The following EXOC6B variants were observed in gnomAD, a reference collection of about 807,000 sequenced individuals.
EXOC6B encodes SEC15 homolog B.
Under a neutral mutation model 113.5 loss-of-function variants are expected in EXOC6B, and 54 were observed. That is an observed-to-expected ratio of 0.48 (90% confidence interval 0.38 to 0.60). EXOC6B has a LOEUF of 0.60. Ranked by LOEUF, EXOC6B falls within the 20% of genes least tolerant of loss-of-function variation. The pLI is 0.00. For synonymous variants in EXOC6B, 357 were observed against 339.0 expected (o/e 1.05, Z -0.58); for missense variants, 797 against 977.5 (o/e 0.82, Z 2.46).
intron 7 of EXOC6B, among the ~76,000 whole-genome samples, chr2:72,573,318 A>G (rs1177241589): frequency 6.6e-6 from 1 of 152,194 alleles, no homozygotes; most frequent in Admixed American, 6.5e-5. Context: ...CATCTTGTTC[A>G]TGGGTACTCA....
intron 20 of EXOC6B, among the ~76,000 whole-genome samples, chr2:72,308,354 G>A (rs1204308839): frequency 6.6e-6 from 1 of 152,094 alleles, no homozygotes; most frequent in Non-Finnish European, 1.5e-5. Context: ...CAATTATTGT[G>A]TACTGTAGAC....
At chr2:72,514,357 A>G (rs933553465) in intron 10 of EXOC6B, among the ~76,000 whole-genome samples, 3 of 152,148 alleles carry the variant, frequency 2.0e-5, no homozygotes, top group Admixed American at 6.5e-5. Context: ...ATCAAGTGTA[A>G]TAAGATTACA....
intron 1 of EXOC6B, among the ~76,000 whole-genome samples, chr2:72,799,954 A>G (rs929188139): frequency 6.6e-6 from 1 of 151,948 alleles, no homozygotes; most frequent in African/African-American, 2.4e-5. Flanking sequence ...AGTCCCAGTT[A>G]CTCCAAGGGC....
At chr2:72,783,879 T>C (rs1360559000) in intron 1 of EXOC6B, among the ~76,000 whole-genome samples, 1 of 152,210 alleles carries the variant, frequency 6.6e-6, no homozygotes, top group Admixed American at 6.5e-5. Flanking sequence ...TTTTGTTTTG[T>C]TACCTGTGCT....
At chr2:72,761,963 A>C (rs555886376) in intron 1 of EXOC6B, among the ~76,000 whole-genome samples, 1 of 151,938 alleles carries the variant, frequency 6.6e-6, no homozygotes, top group African/African-American at 2.4e-5. Flanking sequence ...AAAAGAAAAA[A>C]AGCCAGGCAT....
intron 6 of EXOC6B, among the ~76,000 whole-genome samples, chr2:72,653,974 T>TA (rs929943483): frequency 8.5e-6 from 1 of 117,954 alleles, no homozygotes; most frequent in African/African-American, 3.7e-5. Context: ...TTATTTATTT[T>TA]TTTTTTTTTT....
At chr2:72,540,078 G>A (rs1389229456) in intron 8 of EXOC6B, among the ~76,000 whole-genome samples, 2 of 151,224 alleles carry the variant, frequency 1.3e-5, no homozygotes, top group East Asian at 3.9e-4. Context: ...AGTTTACTGA[G>A]AATGATGATT....
intron 6 of EXOC6B, among the ~76,000 whole-genome samples, chr2:72,577,729 G>T (rs1413814856): frequency 6.6e-6 from 1 of 151,606 alleles, no homozygotes; most frequent in East Asian, 1.9e-4. Flanking sequence ...ATCAAAAAAA[G>T]AAAAAGCCCT....
At chr2:72,705,923 C>T (rs1678839216) in intron 6 of EXOC6B, among the ~76,000 whole-genome samples, 1 of 152,200 alleles carries the variant, frequency 6.6e-6, no homozygotes, top group Non-Finnish European at 1.5e-5. Context: ...AACTTTATGG[C>T]AGTCCTCATT....
chr2:72,664,125 T>C (rs1396182853), intron 6 of EXOC6B, among the ~76,000 whole-genome samples: 3 of 152,056 alleles, frequency 2.0e-5, no homozygotes, highest in East Asian at 1.9e-4. Flanking sequence ...CTGGGCAACA[T>C]AGCAAGACCC....
chr2:72,195,491 A>AG (rs913269813), intron 20 of EXOC6B, among the ~76,000 whole-genome samples: 1 of 152,206 alleles, frequency 6.6e-6, no homozygotes, highest in Non-Finnish European at 1.5e-5. Context: ...TAGGAGAAGA[A>AG]GGTAGGAGCC....
At chr2:72,279,627 T>A (rs1685009583) in intron 20 of EXOC6B, among the ~76,000 whole-genome samples, 1 of 151,874 alleles carries the variant, frequency 6.6e-6, no homozygotes, top group Admixed American at 6.6e-5. Context: ...CTTTTTTATG[T>A]TTTTGAGACA....
At chr2:72,519,172 G>A (rs1250195965) in intron 8 of EXOC6B, among the ~76,000 whole-genome samples, 1 of 152,174 alleles carries the variant, frequency 6.6e-6, no homozygotes, top group Non-Finnish European at 1.5e-5. Flanking sequence ...AATTTGAGTT[G>A]CCTAATGCAC....
chr2:72,284,855 T>C (rs911390353), intron 20 of EXOC6B, among the ~76,000 whole-genome samples: 4 of 152,022 alleles, frequency 2.6e-5, no homozygotes, highest in Admixed American at 2.6e-4. Flanking sequence ...GAATTTGCAA[T>C]TAAAAGCAAA....
chr2:72,338,414 A>G (rs1172574649), intron 19 of EXOC6B, among the ~76,000 whole-genome samples: 3 of 152,162 alleles, frequency 2.0e-5, no homozygotes, highest in African/African-American at 7.2e-5. Context: ...AGAACAAAAC[A>G]TAAGAAAAAA....
At chr2:72,346,535 G>A (rs1689348824) in intron 19 of EXOC6B, among the ~76,000 whole-genome samples, 1 of 151,952 alleles carries the variant, frequency 6.6e-6, no homozygotes, top group Admixed American at 6.6e-5. Context: ...ATCTCAAAAG[G>A]TAAACTAAAA....
chr2:72,797,602 T>C (rs143167129), intron 1 of EXOC6B, among the ~76,000 whole-genome samples: 1,624 of 152,148 alleles, frequency 0.011, 41 homozygotes, highest in African/African-American at 0.038. Context: ...TCACTTGAGG[T>C]TGGGCGCTTG....
At chr2:72,343,664 T>C (rs1163706382) in intron 19 of EXOC6B, among the ~76,000 whole-genome samples, 1 of 152,102 alleles carries the variant, frequency 6.6e-6, no homozygotes, top group African/African-American at 2.4e-5. Context: ...TCTCCCTCAC[T>C]TGAAGGATAA....
intron 8 of EXOC6B, among the ~76,000 whole-genome samples, chr2:72,557,457 A>C (rs1703623199): frequency 1.3e-5 from 2 of 152,142 alleles, no homozygotes; most frequent in Non-Finnish European, 2.9e-5. Flanking sequence ...TGAATGGTAC[A>C]TGTGCAGCCA....
Sources: gnomAD v4.1 joint callset for allele counts (sites outside exome capture counted in the v4.1 genomes callset) on GRCh38, gnomAD v4.1.1 for gene constraint, MANE v1.5 for transcripts, NCBI Gene and HGNC (gene_info 2026-07-23, HGNC 2026-07-21) for gene names.